DLX4: variants seen among roughly 807,000 people sequenced by gnomAD.
DLX4 encodes the protein homeobox protein DLX-4.
In DLX4, 13 loss-of-function variants were observed where a neutral mutation model predicts 17.1. That is an observed-to-expected ratio of 0.76 (90% CI 0.49 to 1.21). DLX4 has a LOEUF of 1.21. DLX4 is among the 50% of genes most tolerant of loss of function. The pLI is 0.00. For missense variants in DLX4, 297 were observed against 301.4 expected, an observed-to-expected ratio of 0.99 and a Z score of 0.11; for synonymous variants, 129 against 140.3, an observed-to-expected ratio of 0.92 and a Z score of 0.57.
rs1905666462 is a variant in DLX4 at position 49,974,824 on chromosome 17, A to G, written c.*881A>G. On this transcript the variant is annotated 3_prime_UTR_variant, in exon 3 of 3. Coordinates refer to ENST00000240306, the MANE Select transcript of DLX4 (RefSeq NM_138281.3). Reference sequence around the variant, plus strand: ...ATTAGTGCGGGTATAGACACCCCCAAATAGGTGGGTAGGCCCATTGATTCA... The same window carrying G: ...ATTAGTGCGGGTATAGACACCCCCAGATAGGTGGGTAGGCCCATTGATTCA... The G allele has an allele frequency of 6.6e-6, 1 of 152,162 alleles. No homozygotes were observed. Among genetic ancestry groups the G allele is most frequent in the Non-Finnish European group, 1.5e-5 (1 of 68,034 alleles). 9.4% of individuals were successfully genotyped at this position (152,162 alleles called of 1,614,324 possible).
intron 2 of DLX4, 36 bp downstream of exon 2, chr17:49,973,305 TC>T (rs774779056): frequency 6.2e-7 from 1 of 1,605,376 alleles, no homozygotes; most frequent in Admixed American, 1.7e-5. Context: ...TCTCTCACCT[TC>T]CCTGGTTCTC....
rs150024578 is a variant in DLX4 at position 49,973,816 on chromosome 17, C to T, written c.596C>T (p.Pro199Leu). The T allele has an allele frequency of 6.1e-5, 98 of 1,608,040 alleles. No individual in the cohort carries two copies. In the Middle Eastern group the frequency reaches 1.7e-3, roughly 27 times the overall value. The change falls in exon 3 of 3, where the codon CCA (proline) becomes CTA (leucine). Residue 199 changes from proline (P) to leucine (L), a missense_variant. By Grantham distance (98) the Pro-to-Leu change is moderately conservative (BLOSUM62 -3). Transcript: ENST00000240306. ...ACCTTCTCTGTGTCTCCCTGCTCCC[C>T]ACCCCTCCCCTCCCTCTGGGATCTA... ...GRTFSVSPCS[P>L]PLPSLWDLPK...
chr17:49,973,084 C>T lies in DLX4; in HGVS notation c.295C>T (p.Pro99Ser), dbSNP rs1427625262. The change falls in exon 2 of 3, where the codon CCG becomes TCG. Residue 99 changes from proline (P) to serine (S), a missense_variant. By Grantham distance (74) the Pro-to-Ser change is moderately conservative. Transcript: ENST00000240306. ...GTGCTGCCCACCAGACTCGGAGAAGCCGCGGCTGTCCCCGGAACCCTCCGA... is the reference window on the plus strand; with the variant it reads ...GTGCTGCCCACCAGACTCGGAGAAGTCGCGGCTGTCCCCGGAACCCTCCGA... ...PQELEADSEK[P>S]RLSPEPSERR... 2 of 1,613,962 alleles carry T rather than the reference C, an allele frequency of 1.2e-6. No homozygotes were observed. The highest frequency in any genetic ancestry group is 4.5e-5 in the East Asian group (2 of 44,892).
Position 49,974,265 on chromosome 17 carries a change from C to T in DLX4, c.*322C>T, listed in dbSNP as rs75953192. On this transcript the variant is annotated 3_prime_UTR_variant, in exon 3 of 3. Transcript: ENST00000240306. ...CCCCAGAACCCTTGGTCTTGCCACT[C>T]CCCCACTCCTTCTTCCCTCTCTCCC... The T allele has an allele frequency of 1.1e-3, 257 of 231,960 alleles. 3 individuals are homozygous for T. The East Asian group carries it at 0.02, about 18-fold the overall frequency. The allele number at this position is 231,960 out of a possible 1,614,324, so 14.4% of individuals were successfully genotyped here.
intron 2 of DLX4, chr17:49,973,494 G>A: frequency 1.1e-6 from 1 of 949,310 alleles, no homozygotes; most frequent in Non-Finnish European, 1.6e-6. Context: ...GAGGAGGGTA[G>A]GTCAGACAGG....
rs1231406055 is a variant in DLX4 at position 49,973,956 on chromosome 17, G to A, written c.*13G>A. ...TCAGATGATGTGAATCTGGGGAAGG[G>A]CGGGTCAGGCCCACAGCCTTCCTGC... On this transcript the variant is annotated 3_prime_UTR_variant, in exon 3 of 3. Transcript: ENST00000240306. The A allele has an allele frequency of 6.3e-7, 1 of 1,598,028 alleles. No individual in the cohort carries two copies. The highest frequency in any genetic ancestry group is 8.5e-7 in the Non-Finnish European group (1 of 1,171,548).
rs1260614881 is a variant in DLX4, at chr17:49,969,661, C to A, written c.193C>A (p.Pro65Thr). 1.2e-6 allele frequency: 2 copies of A among 1,609,556 alleles called. No individual in the cohort carries two copies. The highest frequency in any genetic ancestry group is 1.1e-5 in the South Asian group (1 of 91,050). ...TTACCCCTACACCGAGCCAGCGAAC[C>A]CCGGAGACTCCTACCTGTCCTGCCA... ...LSYPYTEPANPGDSYLSCQQP... is the reference protein window; with the variant it reads ...LSYPYTEPANTGDSYLSCQQP... Residue 65 changes from proline (P) to threonine (T), a missense_variant, in exon 1 of 3, where the codon CCC becomes ACC. Physicochemically the swap from Pro to Thr is conservative, Grantham distance 38. Coordinates refer to ENST00000240306, the MANE Select transcript of DLX4 (RefSeq NM_138281.3).
At chr17:49,970,995 CG>C (rs1445459076) in intron 1 of DLX4, among the ~76,000 whole-genome samples, 1 of 152,160 alleles carries the variant, frequency 6.6e-6, no homozygotes, top group African/African-American at 2.4e-5. Flanking sequence ...TCCTGGGCTG[CG>C]GAGTGTGGCT....
chr17:49,969,277 C>T lies in DLX4; in HGVS notation c.-192C>T. 3.4e-6 allele frequency: 2 copies of T among 592,192 alleles called. No homozygotes were observed. The highest frequency in any genetic ancestry group is 5.3e-6 in the Non-Finnish European group (2 of 377,330). The allele number at this position is 592,192 out of a possible 1,614,324, so 36.7% of individuals were successfully genotyped here. A position where few individuals can be genotyped will look rare whatever the true frequency, so the allele number is the denominator to read the frequency against. On this transcript the variant is annotated 5_prime_UTR_variant, in exon 1 of 3. Transcript: ENST00000240306. ...GGGAAAGTCATGGGGGGCACCCCCCCGGAACCCCTTTCCCAGGCGCGCGTT... is the reference window on the plus strand; with the variant it reads ...GGGAAAGTCATGGGGGGCACCCCCCTGGAACCCCTTTCCCAGGCGCGCGTT...
Position 49,972,615 on chromosome 17 carries a change from C to T in DLX4, c.284-458C>T, listed in dbSNP as rs533390159. 2.4e-5 allele frequency: 16 copies of T among 674,124 alleles called. No homozygotes were observed. In the South Asian group the frequency reaches 8.7e-4, roughly 37 times the overall value. 41.8% of individuals were successfully genotyped at this position (674,124 alleles called of 1,614,324 possible). On this transcript the variant is annotated intron_variant, in intron 1 of 2. Transcript: ENST00000240306. The surrounding 1 kb of genome is among the most constrained non-coding windows in gnomAD (Gnocchi z 5.4). ...CAGCCGGAGGCTGCCACGCGGACAC[C>T]GTCTCAAGCCTCTGAGCATTGCTCT...
At chr17:49,973,030 C>T (rs1905571398) in intron 1 of DLX4, 43 bp from the exon 2 acceptor site, 20 of 1,604,442 alleles carry the variant, frequency 1.2e-5, no homozygotes, top group East Asian at 2.2e-5. Context: ...CCTACCCCCT[C>T]GCTCCCTCCT....
In DLX4 at chr17:49,972,712, C is replaced by A; in HGVS notation, c.284-361C>A. The A allele has an allele frequency of 7.4e-7, 1 of 1,351,946 alleles. No homozygotes were observed. The highest frequency in any genetic ancestry group is 9.5e-7 in the Non-Finnish European group (1 of 1,056,096). 83.7% of individuals were successfully genotyped at this position (1,351,946 alleles called of 1,614,324 possible). A position where few individuals can be genotyped will look rare whatever the true frequency, so the allele number is the denominator to read the frequency against. On this transcript the variant is annotated intron_variant, in intron 1 of 2. Transcript: ENST00000240306. This position sits in a 1 kb window ranked among gnomAD's most constrained non-coding sequence, Gnocchi z 5.4. ...CTCAGCCCTGGACCTAGCCTTTCTG[C>A]CCCGCCCTACCCCAAGCTGGCGCCA...
chr17:49,969,486 C>T lies in DLX4; in HGVS notation c.18C>T (p.Cys6=), dbSNP rs754849816. Residue 6 remains cysteine, a synonymous_variant, in exon 1 of 3, where the codon TGC becomes TGT. Transcript: ENST00000240306. ...TGGCCACAATGACCTCTTTGCCCTG[C>T]CCCCTCCCCGGCCGGGACGCCTCCA... MTSLP[C]PLPGRDASKA... is the part of the protein sequence containing the mutation. The T allele has an allele frequency of 3.1e-6, 5 of 1,594,334 alleles. No homozygotes were observed. The highest frequency in any genetic ancestry group is 1.1e-5 in the South Asian group (1 of 88,750).
intron 2 of DLX4, 101 bp downstream of exon 2, chr17:49,973,370 GC>G: frequency 6.8e-7 from 1 of 1,476,684 alleles, no homozygotes; most frequent in South Asian, 1.2e-5. Context: ...TGGTGCTGTG[GC>G]CCTGTTGTCA....
Position 49,969,416 on chromosome 17 carries a change from C to G in DLX4, c.-53C>G. 6.8e-7 allele frequency: 1 copy of G among 1,467,976 alleles called. No individual in the cohort carries two copies. The highest frequency in any genetic ancestry group is 9.0e-7 in the Non-Finnish European group (1 of 1,115,298). 90.9% of individuals were successfully genotyped at this position (1,467,976 alleles called of 1,614,324 possible). On this transcript the variant is annotated 5_prime_UTR_variant, in exon 1 of 3. Transcript: ENST00000240306. ...GAGGCTTGGAAAAGAGAGTTGGCAG[C>G]GGGAGCGGACTACGTGCCGGGCCAT... is the stretch of plus-strand genomic sequence containing the variant.
At chr17:49,971,423 G>C (rs962313189) in intron 1 of DLX4, among the ~76,000 whole-genome samples, 25 of 152,142 alleles carry the variant, frequency 1.6e-4, no homozygotes, top group African/African-American at 6.0e-4. Flanking sequence ...GGCTCCAAGT[G>C]AGCGGTGCCA....
At chr17:49,969,976 T>C (rs1006271829) in intron 1 of DLX4, among the ~76,000 whole-genome samples, 1 of 152,018 alleles carries the variant, frequency 6.6e-6, no homozygotes, top group African/African-American at 2.4e-5. Context: ...TGGTTTCGAT[T>C]TGCAGTTGTG....
upstream of DLX4, chr17:49,969,139 G>A (rs1330407332): frequency 1.2e-5 from 3 of 260,062 alleles, no homozygotes; most frequent in African/African-American, 6.7e-5. Context: ...GTCTCCGTGA[G>A]GTCACCGCGG....
In DLX4 at chr17:49,973,864, C is replaced by T. The variant is rs1348513049; in HGVS notation, c.644C>T (p.Thr215Ile). ...CTACCCAAGGCAGGGACCCTGCCCA[C>T]CAGTGGCTATGGCAACAGCTTTGGA... ...WDLPKAGTLP[T>I]SGYGNSFGAW... The change falls in exon 3 of 3, where the codon ACC (threonine) becomes ATC (isoleucine). Residue 215 changes from threonine (T) to isoleucine (I), a missense_variant. Coordinates refer to ENST00000240306, the MANE Select transcript of DLX4 (RefSeq NM_138281.3). The T allele has an allele frequency of 6.2e-7, 1 of 1,613,358 alleles. No individual in the cohort carries two copies. The highest frequency in any genetic ancestry group is 1.3e-5 in the African/African-American group (1 of 74,906).
Sources: allele counts gnomAD v4.1 joint callset (sites outside exome capture counted in the v4.1 genomes callset), GRCh38; gene constraint gnomAD v4.1.1; non-coding constraint Gnocchi (gnomAD v3.1); transcripts MANE v1.5; gene names NCBI Gene and HGNC (gene_info 2026-07-23, HGNC 2026-07-21).